The following CREM variants were observed in gnomAD, a reference collection of about 807,000 sequenced individuals.
CREM encodes cAMP responsive element modulator, also known as cAMP-responsive element modulator.
In CREM, 13 loss-of-function variants were observed where a neutral mutation model predicts 37.3. The ratio of observed to expected loss-of-function variants is 0.35; its 90% CI spans 0.23 to 0.55. CREM has a LOEUF of 0.55. Ranked by LOEUF, CREM falls within the 20% of genes least tolerant of loss-of-function variation. CREM has a pLI of 0.88. For synonymous variants in CREM, 124 were observed against 120.2 expected (o/e 1.03, Z -0.21); for missense variants, 296 against 362.3 (o/e 0.82, Z 1.49).
chr10:35,169,363 G>A (rs1485601741), intron 3 of CREM, among the ~76,000 whole-genome samples: 2 of 152,150 alleles, frequency 1.3e-5, no homozygotes, highest in East Asian at 1.9e-4. Flanking sequence ...TGAAGCAATT[G>A]TGAATGGGAG....
In CREM at chr10:35,212,765, A is replaced by G. The variant is rs1211239116; in HGVS notation, c.*1367A>G. The G allele has an allele frequency of 6.6e-6, 1 of 152,662 alleles. No individual in the cohort carries two copies. The highest frequency in any genetic ancestry group is 1.5e-5 in the Non-Finnish European group (1 of 68,030). 9.5% of individuals were successfully genotyped at this position (152,662 alleles called of 1,614,324 possible). A position where few individuals can be genotyped will look rare whatever the true frequency, so the allele number is the denominator to read the frequency against. On this transcript the variant is annotated 3_prime_UTR_variant, in exon 8 of 8. Coordinates refer to ENST00000685392, the MANE Select transcript of CREM (RefSeq NM_183011.2). Reference sequence around the variant, plus strand: ...CTATTTTGCCATTTAGCGAACAACCACAGGAATTTTAAAAACAAAAACATC... The same window carrying G: ...CTATTTTGCCATTTAGCGAACAACCGCAGGAATTTTAAAAACAAAAACATC...
chr10:35,172,548 A>G (rs566221860), intron 3 of CREM, among the ~76,000 whole-genome samples: 2 of 148,490 alleles, frequency 1.3e-5, no homozygotes, highest in Non-Finnish European at 3.0e-5. Context: ...TATTAACTGT[A>G]TTCTTCACTG....
At chr10:35,173,611 A>G (rs998458129) in intron 3 of CREM, among the ~76,000 whole-genome samples, 3 of 152,244 alleles carry the variant, frequency 2.0e-5, no homozygotes, top group Admixed American at 1.3e-4. Context: ...AAATATCAAC[A>G]TATATAACCA....
At chr10:35,199,448 T>C (rs1437174027) in intron 6 of CREM, among the ~76,000 whole-genome samples, 1 of 152,210 alleles carries the variant, frequency 6.6e-6, no homozygotes, top group African/African-American at 2.4e-5. Context: ...TGCATTTATG[T>C]AAACTTTAAA....
chr10:35,177,451 A>G (rs12770381), intron 3 of CREM, among the ~76,000 whole-genome samples: 21,604 of 152,152 alleles, frequency 0.14, 1,666 homozygotes, highest in South Asian at 0.2. Flanking sequence ...GGAAGAAAGT[A>G]TTGTCTATTA....
intron 3 of CREM, among the ~76,000 whole-genome samples, chr10:35,158,838 A>G (rs1196111779): frequency 2.1e-5 from 2 of 93,724 alleles, no homozygotes; most frequent in African/African-American, 8.9e-5. Context: ...TTTTTTTTTT[A>G]CAGACTTAGA....
At position 35,207,523 on chromosome 10, in the gene CREM, C is replaced by A. The variant is rs1187273645; in HGVS notation, c.755+472C>A. Reference sequence around the variant, plus strand: ...GGGCGCAGTGGCTCCCGCCTGTAATCCCAGCACTTTGGGAGGTCAAGGCGG... The same window carrying A: ...GGGCGCAGTGGCTCCCGCCTGTAATACCAGCACTTTGGGAGGTCAAGGCGG... On this transcript the variant is annotated intron_variant, in intron 7 of 7. Coordinates refer to ENST00000685392, the MANE Select transcript of CREM (RefSeq NM_183011.2). Among the ~76,000 whole-genome samples, 3 of 152,150 alleles carry A rather than the reference C, an allele frequency of 2.0e-5. No homozygotes were observed. The East Asian group carries it at 5.8e-4, about 29-fold the overall frequency.
chr10:35,207,306 A>G (rs939171843), intron 7 of CREM, among the ~76,000 whole-genome samples: 9 of 152,146 alleles, frequency 5.9e-5, no homozygotes, highest in Middle Eastern at 3.2e-3. Flanking sequence ...AGGCAGGACA[A>G]TGGCATGAAC....
chr10:35,174,561 G>A (rs1443219181), intron 3 of CREM, among the ~76,000 whole-genome samples: 1 of 152,034 alleles, frequency 6.6e-6, no homozygotes, highest in African/African-American at 2.4e-5. Flanking sequence ...GAAATCATTG[G>A]TGTTCCTCAA....
chr10:35,194,096 T>C (rs1449891408), intron 6 of CREM, among the ~76,000 whole-genome samples: 4 of 19,778 alleles, frequency 2.0e-4, no homozygotes, highest in Non-Finnish European at 2.8e-4. Flanking sequence ...AGACTTCATC[T>C]CAAAAAAAAA....
At chr10:35,136,956 G>C (rs1799880350) in intron 1 of CREM, among the ~76,000 whole-genome samples, 3 of 152,070 alleles carry the variant, frequency 2.0e-5, no homozygotes, top group Non-Finnish European at 4.4e-5. Context: ...GAGTAGCTGG[G>C]AGTCCAGGCC....
At chr10:35,165,308 A>C (rs927280280) in intron 3 of CREM, among the ~76,000 whole-genome samples, 4 of 152,074 alleles carry the variant, frequency 2.6e-5, no homozygotes, top group Non-Finnish European at 5.9e-5. Flanking sequence ...ACCAGCTCTC[A>C]GAACTACCAG....
intron 3 of CREM, among the ~76,000 whole-genome samples, chr10:35,149,294 C>G (rs903789817): frequency 6.6e-6 from 1 of 152,044 alleles, no homozygotes; most frequent in African/African-American, 2.4e-5. Flanking sequence ...CTAGGCAGAG[C>G]GAAGAGTGTG....
At chr10:35,183,162 A>G (rs894360136) in intron 5 of CREM, among the ~76,000 whole-genome samples, 1 of 151,830 alleles carries the variant, frequency 6.6e-6, no homozygotes, top group Non-Finnish European at 1.5e-5. Flanking sequence ...GCTTGTGCCT[A>G]TTGTATTTTA....
intron 5 of CREM, among the ~76,000 whole-genome samples, chr10:35,187,492 T>C (rs929163454): frequency 6.6e-6 from 1 of 150,976 alleles, no homozygotes; most frequent in Non-Finnish European, 1.5e-5. Flanking sequence ...ACTCCTGACC[T>C]CAGGTGATCT....
chr10:35,205,864 A>C (rs1018351972), intron 6 of CREM, among the ~76,000 whole-genome samples: 54 of 152,022 alleles, frequency 3.6e-4, no homozygotes, highest in Admixed American at 3.5e-3. Context: ...AGGCTGAGGT[A>C]CAAGAATCGC....
At chr10:35,170,807 G>A (rs1291427162) in intron 3 of CREM, among the ~76,000 whole-genome samples, 4 of 151,928 alleles carry the variant, frequency 2.6e-5, no homozygotes, top group African/African-American at 9.7e-5. Context: ...CTTTATTGGA[G>A]TTTAACCTAT....
intron 5 of CREM, among the ~76,000 whole-genome samples, chr10:35,187,265 A>G (rs1461301066): frequency 6.1e-5 from 7 of 115,056 alleles, no homozygotes; most frequent in Non-Finnish European, 1.0e-4. Flanking sequence ...AATTATATGT[A>G]TGTTGGTTTT....
At chr10:35,134,058 T>G (rs189115318) in intron 1 of CREM, among the ~76,000 whole-genome samples, 41 of 151,672 alleles carry the variant, frequency 2.7e-4, no homozygotes, top group Admixed American at 2.0e-3. Context: ...GTTTTTTGTT[T>G]TTTTTTTTTT....
Sources: allele counts gnomAD v4.1 joint callset (sites outside exome capture counted in the v4.1 genomes callset), GRCh38; gene constraint gnomAD v4.1.1; transcripts MANE v1.5; gene names NCBI Gene and HGNC (gene_info 2026-07-23, HGNC 2026-07-21).